The following CYP46A1 variants were observed in gnomAD, a reference collection of about 807,000 sequenced individuals.
CYP46A1 encodes cytochrome P450 family 46 subfamily A member 1, also known as cholesterol 24-hydroxylase.
A neutral mutation model predicts 63.3 loss-of-function variants in CYP46A1; 20 were observed. The observed-to-expected ratio is 0.32, with a 90% confidence interval of 0.22 to 0.46. The LOEUF (loss-of-function observed/expected upper bound fraction) is 0.46, where lower values mean the gene tolerates loss of function less well. Among genes scored for constraint, CYP46A1 ranks in the 20% least tolerant of loss-of-function variants. The pLI is 1.00. For missense variants in CYP46A1, 445 were observed against 670.8 expected (o/e 0.66, Z 3.72); for synonymous variants, 268 against 273.6 (o/e 0.98, Z 0.20).
chr14:99,707,190 A>G (rs952771641), intron 6 of CYP46A1, among the ~76,000 whole-genome samples: 3 of 152,226 alleles, frequency 2.0e-5, no homozygotes, highest in Non-Finnish European at 4.4e-5. Context: ...GGGGCGGGGC[A>G]GGTCAGGGAA....
chr14:99,705,300 T>A (rs146701248), intron 5 of CYP46A1, among the ~76,000 whole-genome samples: 81 of 152,338 alleles, frequency 5.3e-4, no homozygotes, highest in African/African-American at 1.9e-3. Flanking sequence ...CTTGACCTCC[T>A]GGGCTCAAGT....
chr14:99,692,187 C>G (rs752639073), intron 3 of CYP46A1, among the ~76,000 whole-genome samples: 10 of 152,206 alleles, frequency 6.6e-5, no homozygotes, highest in Admixed American at 3.3e-4. Context: ...AATTATAACT[C>G]TATCTCCAGG....
intron 9 of CYP46A1, 144 bp downstream of exon 9, chr14:99,716,343 C>T (rs2056790444): frequency 2.6e-6 from 2 of 781,734 alleles, no homozygotes; most frequent in Admixed American, 4.6e-5. Flanking sequence ...CTGAAGGGAG[C>T]AGAAGCCCCA....
intron 12 of CYP46A1, among the ~76,000 whole-genome samples, chr14:99,723,474 A>C (rs985398605): frequency 4.0e-5 from 6 of 151,842 alleles, no homozygotes; most frequent in Admixed American, 2.0e-4. Context: ...ACGCCTGGCT[A>C]ATTTTTGTAT....
chr14:99,706,441 G>A lies in CYP46A1; in HGVS notation c.444-206G>A. On this transcript the variant is annotated intron_variant, in intron 5 of 14. Coordinates refer to ENST00000261835, the MANE Select transcript of CYP46A1 (RefSeq NM_006668.2). ...AGCAAGGGAACAGCATCCATCCTGA[G>A]TGGAGGAGAATGGTGAAACCCCAGG... is the stretch of plus-strand genomic sequence containing the variant. 1.0e-5 allele frequency: 6 copies of A among 585,374 alleles called. No individual in the cohort carries two copies. In the South Asian group the frequency reaches 1.2e-4, roughly 12 times the overall value. 36.3% of individuals were successfully genotyped at this position (585,374 alleles called of 1,614,324 possible).
chr14:99,712,603 C>T (rs1229807676), intron 7 of CYP46A1: 2 of 152,024 alleles, frequency 1.3e-5, no homozygotes, highest in African/African-American at 4.8e-5. Context: ...GGTGAAAGAC[C>T]TATACAAGGA....
chr14:99,718,817 ATCTT>A (rs950702979), intron 10 of CYP46A1, among the ~76,000 whole-genome samples: 21 of 152,104 alleles, frequency 1.4e-4, no homozygotes, highest in Admixed American at 9.8e-4. Flanking sequence ...AAAATATACA[ATCTT>A]TCTAGGGTTT....
chr14:99,690,313 C>T (rs768614225), intron 1 of CYP46A1, among the ~76,000 whole-genome samples: 12 of 152,174 alleles, frequency 7.9e-5, no homozygotes, highest in South Asian at 4.1e-4. Context: ...GGGTTTTAAA[C>T]GGACACCCAC....
At chr14:99,699,783 T>G (rs1281340484) in intron 4 of CYP46A1, among the ~76,000 whole-genome samples, 1 of 152,168 alleles carries the variant, frequency 6.6e-6, no homozygotes, top group Non-Finnish European at 1.5e-5. Flanking sequence ...ATCATCCTTT[T>G]CCTTTTTAAG....
At position 99,707,673 on chromosome 14, in the gene CYP46A1, G is replaced by A. The variant is rs1394375914; in HGVS notation, c.688G>A (p.Ala230Thr). 98 of 1,613,824 alleles carry A rather than the reference G, an allele frequency of 6.1e-5. No individual in the cohort carries two copies. Among genetic ancestry groups the A allele is most frequent in the Non-Finnish European group, 8.2e-5 (97 of 1,179,948 alleles). ...AATCACTGCGTCCCGCAACACTCTG[G>A]CAAAGGTACTGCCTCAGCACCCCCT... ...EGITASRNTL[A>T]KFLPGKRKQL... The change falls in exon 7 of 15, where the codon GCA (alanine) becomes ACA (threonine). Residue 230 changes from alanine (A) to threonine (T), a missense_variant. Transcript: ENST00000261835.
In CYP46A1 at chr14:99,722,903, G is replaced by T. The variant is rs1035567367; in HGVS notation, c.1176+837G>T. 3.3e-5 allele frequency: 15 copies of T among 454,140 alleles called. No homozygotes were observed. The highest frequency in any genetic ancestry group is 6.7e-5 in the Non-Finnish European group (15 of 225,378). 28.1% of individuals were successfully genotyped at this position (454,140 alleles called of 1,614,324 possible). ...ATGTCCAGGAACAGTGTGCAAGCCA[G>T]CTCCTCGGACATTTACCCAGAAGTG... On this transcript the variant is annotated intron_variant, in intron 12 of 14. Coordinates refer to ENST00000261835, the MANE Select transcript of CYP46A1 (RefSeq NM_006668.2). The surrounding 1 kb of genome is among the most constrained non-coding windows in gnomAD (Gnocchi z 4.6).
intron 5 of CYP46A1, among the ~76,000 whole-genome samples, chr14:99,701,671 A>T (rs768776231): frequency 6.6e-6 from 1 of 152,356 alleles, no homozygotes; most frequent in Non-Finnish European, 1.5e-5. Context: ...TTCACATACC[A>T]TACAGCTCAC....
chr14:99,695,434 C>A, intron 3 of CYP46A1: 1 of 431,610 alleles, frequency 2.3e-6, no homozygotes, highest in Non-Finnish European at 4.6e-6. Context: ...ACTTTCAGTT[C>A]CATTAGTTTG....
chr14:99,714,592 C>G (rs923587083), intron 7 of CYP46A1, among the ~76,000 whole-genome samples: 1 of 151,950 alleles, frequency 6.6e-6, no homozygotes, highest in African/African-American at 2.4e-5. Flanking sequence ...AACCCCATCT[C>G]TACTAAAAAT....
At chr14:99,705,696 G>A (rs545891191) in intron 5 of CYP46A1, among the ~76,000 whole-genome samples, 6 of 152,326 alleles carry the variant, frequency 3.9e-5, no homozygotes, top group African/African-American at 1.4e-4. Context: ...GGAGGCCAAG[G>A]TGGGTGGATC....
At chr14:99,704,008 A>C (rs754847061) in intron 5 of CYP46A1, among the ~76,000 whole-genome samples, 1 of 152,232 alleles carries the variant, frequency 6.6e-6, no homozygotes, top group African/African-American at 2.4e-5. Context: ...GGAAACATCA[A>C]TTCTAACCAG....
rs550169210 is a variant in CYP46A1, at chr14:99,726,691, C to T, written c.1467C>T (p.Arg489=). The T allele has an allele frequency of 1.3e-4, 195 of 1,545,024 alleles. 2 individuals carry two copies. The highest frequency in any genetic ancestry group is 1.5e-4 in the Non-Finnish European group (175 of 1,144,172). Reference sequence around the variant, plus strand: ...CCGTGCTGTGCACCCTGCGGCCCCGCGGCTGGCAGCCCGCACCCCCACCAC... The same window carrying T: ...CCGTGCTGTGCACCCTGCGGCCCCGTGGCTGGCAGCCCGCACCCCCACCAC... ...LDPVLCTLRP[R]GWQPAPPPPP... The change falls in exon 15 of 15, where the codon CGC becomes CGT. Residue 489 remains arginine, a synonymous_variant. Transcript: ENST00000261835.
At chr14:99,705,824 C>T (rs983675309) in intron 5 of CYP46A1, among the ~76,000 whole-genome samples, 67 of 152,196 alleles carry the variant, frequency 4.4e-4, no homozygotes, top group African/African-American at 1.6e-3. Context: ...ACTCGGGAGC[C>T]TGAGACAGAA....
chr14:99,686,637 A>G (rs998766538), intron 1 of CYP46A1, among the ~76,000 whole-genome samples: 1 of 152,196 alleles, frequency 6.6e-6, no homozygotes, highest in Non-Finnish European at 1.5e-5. Context: ...TTCACTTAGT[A>G]TAATGTTTCA....
Sources: allele counts gnomAD v4.1 joint callset (sites outside exome capture counted in the v4.1 genomes callset), GRCh38; gene constraint gnomAD v4.1.1; non-coding constraint Gnocchi (gnomAD v3.1); transcripts MANE v1.5; gene names NCBI Gene and HGNC (gene_info 2026-07-23, HGNC 2026-07-21).